CASZ1: variants seen among roughly 807,000 people sequenced by gnomAD.
The protein encoded by CASZ1 is zinc finger protein castor homolog 1.
In CASZ1, 28 loss-of-function variants were observed where a neutral mutation model predicts 135.2. The ratio of observed to expected loss-of-function variants is 0.21; its 90% confidence interval spans 0.15 to 0.28. The LOEUF (loss-of-function observed/expected upper bound fraction) is 0.28. CASZ1 is among the 10% of genes least tolerant of loss of function. CASZ1 has a pLI of 1.00. For synonymous variants in CASZ1, 1,068 were observed against 1,073.4 expected, an observed-to-expected ratio of 0.99 and a Z score of 0.10; for missense variants, 2,161 against 2,453.3, an observed-to-expected ratio of 0.88 and a Z score of 2.52.
chr1:10,684,463 C>T (rs1039570207), intron 4 of CASZ1, among the ~76,000 whole-genome samples: 2 of 152,162 alleles, frequency 1.3e-5, no homozygotes, highest in Admixed American at 1.3e-4. Context: ...TTAAGTGGAG[C>T]CAGCTGCAAG....
intron 4 of CASZ1, among the ~76,000 whole-genome samples, chr1:10,669,015 C>T (rs1217696008): frequency 1.3e-5 from 2 of 152,228 alleles, no homozygotes; most frequent in Non-Finnish European, 2.9e-5. Flanking sequence ...TCGGGACCTT[C>T]CCTCTCAGGG....
Position 10,660,718 on chromosome 1 carries a change from A to T in CASZ1, c.506-182T>A, listed in dbSNP as rs181597809. The T allele has an allele frequency of 1.4e-3, 808 of 570,636 alleles. 1 individual carries two copies. Among genetic ancestry groups the T allele is most frequent in the African/African-American group, 9.5e-3 (508 of 53,442 alleles). The allele number at this position is 570,636 out of a possible 1,614,324, so 35.3% of individuals were successfully genotyped here. A position where few individuals can be genotyped will look rare whatever the true frequency, so the allele number is the denominator to read the frequency against. On this transcript the variant is annotated intron_variant, in intron 5 of 20. Transcript: ENST00000377022. ...TACGACTCTTAAATTAATTTGTTTT[A>T]AAAAAAAGTAATTAATACTGGGGTA...
intron 4 of CASZ1, among the ~76,000 whole-genome samples, chr1:10,670,803 C>T (rs1322262858): frequency 5.3e-5 from 8 of 152,332 alleles, no homozygotes; most frequent in Admixed American, 3.3e-4. Flanking sequence ...TCCGCCTGAA[C>T]GGTTCCTTCC....
rs1395721817 is a variant in CASZ1 at position 10,696,950 on chromosome 1, G to A, written c.-23-3038C>T. ...GGCAGACAAAGGCTACAGAGGAATG[G>A]CGGAAGGGACAGGACTCGAGAGAGC... On this transcript the variant is annotated intron_variant, in intron 3 of 20. Transcript: ENST00000377022. 1.5e-4 allele frequency among the ~76,000 whole-genome samples: 23 copies of A among 152,240 alleles called. 1 individual carries two copies. The highest frequency in any genetic ancestry group is 1.5e-3 in the Admixed American group (23 of 15,284).
Position 10,694,961 on chromosome 1 carries a change from G to A in CASZ1, c.-23-1049C>T, listed in dbSNP as rs1395837478. ...CCCGCGAGCGCGACCGACGGCCGCC[G>A]CGCGCGCCTGCCCCACGACCCGCGC... is the stretch of plus-strand genomic sequence containing the variant. On this transcript the variant is annotated intron_variant, in intron 3 of 20. Transcript: ENST00000377022. The surrounding 1 kb of genome is among the most constrained non-coding windows in gnomAD (Gnocchi z 6.6). Among the ~76,000 whole-genome samples the A allele has an allele frequency of 6.2e-5, 9 of 145,116 alleles. No individual in the cohort carries two copies. Among genetic ancestry groups the A allele is most frequent in the Non-Finnish European group, 1.4e-4 (9 of 65,496 alleles).
Position 10,719,424 on chromosome 1 carries a change from G to A in CASZ1, c.-76-13880C>T, listed in dbSNP as rs189958256. Among the ~76,000 whole-genome samples, 304 of 152,292 alleles carry A rather than the reference G, an allele frequency of 2.0e-3. 2 individuals are homozygous for A. Among genetic ancestry groups the A allele is most frequent in the African/African-American group, 7.0e-3 (292 of 41,542 alleles). Reference sequence around the variant, plus strand: ...TGTGGAGAATGGTAGCCCAAGACAAGGGACCCTGAAATTCAAGGTGATGTC... The same window carrying A: ...TGTGGAGAATGGTAGCCCAAGACAAAGGACCCTGAAATTCAAGGTGATGTC... On this transcript the variant is annotated intron_variant, in intron 2 of 20. Transcript: ENST00000377022. The surrounding 1 kb of genome is among the most constrained non-coding windows in gnomAD (Gnocchi z 4.0).
intron 1 of CASZ1, among the ~76,000 whole-genome samples, chr1:10,768,939 G>A (rs565238690): frequency 1.3e-5 from 2 of 152,280 alleles, no homozygotes; most frequent in Non-Finnish European, 2.9e-5. Context: ...CCAGGAGTTC[G>A]AGACGAGCCT....
chr1:10,659,742 T>A lies in CASZ1; in HGVS notation c.1300A>T (p.Lys434Ter). The A allele has an allele frequency of 6.2e-7, 1 of 1,613,934 alleles. No individual in the cohort carries two copies. The highest frequency in any genetic ancestry group is 8.5e-7 in the Non-Finnish European group (1 of 1,179,888). Residue 434 changes from lysine (K) to a stop codon, truncating the protein, a stop_gained, in exon 6 of 21, where the codon AAA (lysine) becomes TAA (stop). Coordinates refer to ENST00000377022, the MANE Select transcript of CASZ1 (RefSeq NM_001079843.3). LOFTEE classifies it high-confidence loss of function. Reference protein sequence around the residue: ...TPEYLKSTFSKTDSITTGTVS... With the variant: ...TPEYLKSTFS ...GTCCCCGTGGTGATGGAGTCTGTTTTGGAGAAGGTTGACTTCAGGTACTCG... is the reference window on the plus strand; with the variant it reads ...GTCCCCGTGGTGATGGAGTCTGTTTAGGAGAAGGTTGACTTCAGGTACTCG...
At position 10,658,443 on chromosome 1, in the gene CASZ1, A is replaced by C. The variant is rs887146712; in HGVS notation, c.1409+65T>G. ...GGTCAGATATCAAACGAATGGCCTC[A>C]GAGTGCCCGGTCAGTCCTGGCCCCC... On this transcript the variant is annotated intron_variant, in intron 7 of 20. Coordinates refer to ENST00000377022, the MANE Select transcript of CASZ1 (RefSeq NM_001079843.3). 2.9e-6 allele frequency: 4 copies of C among 1,370,154 alleles called. No homozygotes were observed. The Admixed American group carries it at 5.1e-5, about 17-fold the overall frequency. 84.9% of individuals were successfully genotyped at this position (1,370,154 alleles called of 1,614,324 possible). A position where few individuals can be genotyped will look rare whatever the true frequency, so the allele number is the denominator to read the frequency against.
intron 1 of CASZ1, among the ~76,000 whole-genome samples, chr1:10,765,812 G>T (rs898511733): frequency 6.6e-6 from 1 of 152,202 alleles, no homozygotes; most frequent in African/African-American, 2.4e-5. Context: ...GCCGGCAGGG[G>T]ACAGGGAGGG....
intron 2 of CASZ1, among the ~76,000 whole-genome samples, chr1:10,737,531 C>A (rs1004287958): frequency 7.2e-5 from 11 of 152,262 alleles, no homozygotes; most frequent in Admixed American, 7.2e-4. Flanking sequence ...CGAGCACAAT[C>A]TAGACACAGA....
chr1:10,737,318 C>CCCT (rs764216399), intron 2 of CASZ1, among the ~76,000 whole-genome samples: 1 of 152,174 alleles, frequency 6.6e-6, no homozygotes, highest in Non-Finnish European at 1.5e-5. Flanking sequence ...CCCTCGTGGG[C>CCCT]CCTCCCCTCT....
intron 4 of CASZ1, among the ~76,000 whole-genome samples, chr1:10,683,999 C>T (rs1443469709): frequency 3.3e-5 from 5 of 152,318 alleles, no homozygotes; most frequent in South Asian, 2.1e-4. Flanking sequence ...AGGGGCGCCC[C>T]GCACCAAGTC....
chr1:10,650,570 AT>A, intron 13 of CASZ1, 121 bp downstream of exon 13: 1 of 754,888 alleles, frequency 1.3e-6, no homozygotes. Flanking sequence ...CAAAATTTAA[AT>A]GGTACAAACT....
rs1205700898 is a variant in CASZ1 at position 10,687,193 on chromosome 1, C to G, written c.16+6681G>C. ...ACACAGCGCAGTCCCTCCCAAGGCC[C>G]CCTTAGATCACTGAAAGAGCCCCAT... On this transcript the variant is annotated intron_variant, in intron 4 of 20. Coordinates refer to ENST00000377022, the MANE Select transcript of CASZ1 (RefSeq NM_001079843.3). Among the ~76,000 whole-genome samples, 4 of 152,186 alleles carry G rather than the reference C, an allele frequency of 2.6e-5. No individual in the cohort carries two copies. The East Asian group carries it at 7.7e-4, about 29-fold the overall frequency.
At chr1:10,658,977 GC>G (rs1642902509) in intron 6 of CASZ1, among the ~76,000 whole-genome samples, 1 of 152,180 alleles carries the variant, frequency 6.6e-6, no homozygotes, top group Admixed American at 6.5e-5. Flanking sequence ...AGCAGGGGCC[GC>G]CCTGATCTGC....
chr1:10,657,695 C>T lies in CASZ1; in HGVS notation c.1409+813G>A, dbSNP rs1399472574. ...ACAGGGGATCGGAGACAGAGTGGGA[C>T]GTGGAGGCGGAGAGACAGAGCGGGC... On this transcript the variant is annotated intron_variant, in intron 7 of 20. Transcript: ENST00000377022. This position sits in a 1 kb window ranked among gnomAD's most constrained non-coding sequence, Gnocchi z 5.7. Among the ~76,000 whole-genome samples the T allele has an allele frequency of 2.7e-5, 4 of 147,540 alleles. No homozygotes were observed. Among genetic ancestry groups the T allele is most frequent in the Non-Finnish European group, 6.0e-5 (4 of 67,042 alleles).
chr1:10,698,451 C>T (rs571754179), intron 3 of CASZ1, among the ~76,000 whole-genome samples: 3 of 152,224 alleles, frequency 2.0e-5, no homozygotes, highest in South Asian at 2.1e-4. Flanking sequence ...TTCAATTAGC[C>T]GCAATTTCTA....
At chr1:10,752,999 T>C (rs1364355830) in intron 2 of CASZ1, among the ~76,000 whole-genome samples, 1 of 152,150 alleles carries the variant, frequency 6.6e-6, no homozygotes, top group Non-Finnish European at 1.5e-5. Context: ...ATTGTGCCAT[T>C]GCACTCCAGC....
Sources: allele counts gnomAD v4.1 joint callset (sites outside exome capture counted in the v4.1 genomes callset), GRCh38; gene constraint gnomAD v4.1.1; non-coding constraint Gnocchi (gnomAD v3.1); transcripts MANE v1.5; gene names NCBI Gene and HGNC (gene_info 2026-07-23, HGNC 2026-07-21).